DSN1: variants seen among roughly 807,000 people sequenced by gnomAD.
DSN1 encodes kinetochore-associated protein DSN1 homolog.
A neutral mutation model predicts 45.7 loss-of-function variants in DSN1; 31 were observed. The observed-to-expected ratio is 0.68, with a 90% CI of 0.51 to 0.92. DSN1 has a LOEUF of 0.92. Among genes scored for constraint, DSN1 ranks in the 40% least tolerant of loss-of-function variants. The pLI, the probability that DSN1 is intolerant of heterozygous loss-of-function variation, is 0.00. For missense variants in DSN1, 394 were observed against 414.2 expected (o/e 0.95, Z 0.42); for synonymous variants, 134 against 142.3 (o/e 0.94, Z 0.41).
intron 7 of DSN1, 104 bp from the exon 8 acceptor site, chr20:36,758,265 T>C (rs1986782439): frequency 4.4e-6 from 5 of 1,128,408 alleles, no homozygotes; most frequent in Non-Finnish European, 6.5e-6. Context: ...ATGTAAAATG[T>C]GAGTTGACAG....
chr20:36,764,107 G>C (rs1987181693), intron 5 of DSN1, among the ~76,000 whole-genome samples: 1 of 151,764 alleles, frequency 6.6e-6, no homozygotes, highest in Non-Finnish European at 1.5e-5. Flanking sequence ...TATAGTTCCA[G>C]CTACTTGGGA....
rs1282258207 is a variant in DSN1, at chr20:36,758,124, G to T, written c.688C>A (p.Leu230Ile). The change falls in exon 8 of 11, where the codon CTT becomes ATT. Residue 230 changes from leucine (L) to isoleucine (I), a missense_variant. Transcript: ENST00000373750. ...LERQTWDQLL[L>I]HYQQEAKEIL... ...TCTTTAGCCTCCTGCTGGTAGTGAA[G>T]CAAGAGCTGATCCCAAGTCTGACGT... 1 of 1,614,070 alleles carries T rather than the reference G, an allele frequency of 6.2e-7. No individual in the cohort carries two copies. Among genetic ancestry groups the T allele is most frequent in the Non-Finnish European group, 8.5e-7 (1 of 1,179,982 alleles).
rs562010668 is a variant in DSN1 at position 36,766,568 on chromosome 20, T to C, written c.502+201A>G. Among the ~76,000 whole-genome samples the C allele has an allele frequency of 5.9e-4, 90 of 152,130 alleles. 1 individual carries two copies. The highest frequency in any genetic ancestry group is 6.8e-3 in the Middle Eastern group (2 of 294). ...TACTCGGGGGGCTCAGGCAGGAGAA[T>C]TGGTTGAACCCAGGAGGCAGAGGCT... On this transcript the variant is annotated intron_variant, in intron 5 of 10. Coordinates refer to ENST00000373750, the MANE Select transcript of DSN1 (RefSeq NM_001145315.2).
At chr20:36,772,967 C>T (rs1987729552) in intron 1 of DSN1, among the ~76,000 whole-genome samples, 1 of 152,256 alleles carries the variant, frequency 6.6e-6, no homozygotes, top group South Asian at 2.1e-4. Context: ...CGTCCCCTCC[C>T]TCCCAGCAGA....
chr20:36,770,429 G>T (rs187355951), intron 3 of DSN1, among the ~76,000 whole-genome samples: 119 of 152,234 alleles, frequency 7.8e-4, no homozygotes, highest in Non-Finnish European at 1.3e-3. Flanking sequence ...CTAAAATCAG[G>T]TATCAACCCA....
chr20:36,765,228 C>T (rs1022274643), intron 5 of DSN1, among the ~76,000 whole-genome samples: 4 of 122,432 alleles, frequency 3.3e-5, no homozygotes, highest in East Asian at 2.3e-4. Flanking sequence ...TACTTGCATA[C>T]GTGCCAAAAG....
In DSN1 at chr20:36,773,721, G is replaced by C; in HGVS notation, c.-75C>G. 1 of 985,540 alleles carries C rather than the reference G, an allele frequency of 1.0e-6. No homozygotes were observed. The highest frequency in any genetic ancestry group is 1.2e-6 in the Non-Finnish European group (1 of 829,998). 61.0% of individuals were successfully genotyped at this position (985,540 alleles called of 1,614,324 possible). ...CCCAGGTCACTCCTGGACGCCTTGC[G>C]CACCCGCAGCCGATACTCCCTGATC... On this transcript the variant is annotated 5_prime_UTR_variant, in exon 1 of 11. Transcript: ENST00000373750.
chr20:36,752,658 A>G lies in DSN1; in HGVS notation c.*130T>C. The G allele has an allele frequency of 4.6e-6, 3 of 659,054 alleles. No individual in the cohort carries two copies. Among genetic ancestry groups the G allele is most frequent in the Non-Finnish European group, 2.6e-6 (1 of 381,930 alleles). 40.8% of individuals were successfully genotyped at this position (659,054 alleles called of 1,614,324 possible). On this transcript the variant is annotated 3_prime_UTR_variant, in exon 11 of 11. Coordinates refer to ENST00000373750, the MANE Select transcript of DSN1 (RefSeq NM_001145315.2). Reference sequence around the variant, plus strand: ...TTCCATCACTTTTTGAAAAAAGTCAAAGTGTTCTACAGTCAGTCCTGCCAG... The same window carrying G: ...TTCCATCACTTTTTGAAAAAAGTCAGAGTGTTCTACAGTCAGTCCTGCCAG...
chr20:36,754,689 G>A (rs962342629), intron 10 of DSN1, 74 bp downstream of exon 10: 39 of 1,298,326 alleles, frequency 3.0e-5, no homozygotes, highest in Admixed American at 1.8e-5. Flanking sequence ...CATAGGCTTT[G>A]AAGGGCAGTT....
At chr20:36,756,380 G>A (rs1013812093) in intron 8 of DSN1, among the ~76,000 whole-genome samples, 1 of 152,130 alleles carries the variant, frequency 6.6e-6, no homozygotes, top group Non-Finnish European at 1.5e-5. Flanking sequence ...CCACTTAATA[G>A]TAAGGTCCAT....
chr20:36,754,066 A>T (rs1436620754), intron 10 of DSN1, among the ~76,000 whole-genome samples: 3 of 148,740 alleles, frequency 2.0e-5, no homozygotes, highest in Admixed American at 2.0e-4. Context: ...AGTGGCTCAC[A>T]CTTGTAATCC....
chr20:36,755,536 T>G, intron 9 of DSN1, 146 bp downstream of exon 9: 1 of 955,360 alleles, frequency 1.0e-6, no homozygotes, highest in Non-Finnish European at 1.5e-6. Context: ...TTATTATTTT[T>G]TAATTGTCTC....
chr20:36,772,492 T>C (rs1172233043), intron 1 of DSN1, among the ~76,000 whole-genome samples: 1 of 152,170 alleles, frequency 6.6e-6, no homozygotes, highest in Non-Finnish European at 1.5e-5. Flanking sequence ...TTTCCCCATA[T>C]TGGCCAGGCT....
intron 5 of DSN1, among the ~76,000 whole-genome samples, chr20:36,763,645 T>G (rs187571637): frequency 6.6e-6 from 1 of 150,976 alleles, no homozygotes; most frequent in Non-Finnish European, 1.5e-5. Context: ...TCCCAGCACT[T>G]TGGGAGGCCA....
chr20:36,768,996 C>T (rs537731437), intron 3 of DSN1, among the ~76,000 whole-genome samples: 28 of 152,224 alleles, frequency 1.8e-4, no homozygotes, highest in South Asian at 8.3e-4. Flanking sequence ...ATACGTATTT[C>T]ATTAAACCTT....
intron 5 of DSN1, among the ~76,000 whole-genome samples, chr20:36,763,410 GAAAAAAAA>G (rs71186016): frequency 2.4e-5 from 2 of 84,100 alleles, no homozygotes; most frequent in South Asian, 5.2e-4. Context: ...CTCAAAAAAA[GAAAAAAAA>G]AAAAAAAAAA....
chr20:36,770,601 G>C lies in DSN1; in HGVS notation c.355+272C>G, dbSNP rs1407144577. ...AAGCCAGGTGCAGTGGCTCACGCCT[G>C]TAGTCCCAGCTACTTGGGAGGCTGA... On this transcript the variant is annotated intron_variant, in intron 3 of 10. Coordinates refer to ENST00000373750, the MANE Select transcript of DSN1 (RefSeq NM_001145315.2). Among the ~76,000 whole-genome samples, 3 of 152,194 alleles carry C rather than the reference G, an allele frequency of 2.0e-5. No homozygotes were observed. In the East Asian group the frequency reaches 5.8e-4, roughly 29 times the overall value.
chr20:36,770,448 C>G (rs557643042), intron 3 of DSN1, among the ~76,000 whole-genome samples: 15 of 152,344 alleles, frequency 9.8e-5, no homozygotes, highest in African/African-American at 3.6e-4. Context: ...CAACTATCTT[C>G]TGCTCCACTT....
At position 36,770,929 on chromosome 20, in the gene DSN1, C is replaced by T; in HGVS notation, c.299G>A (p.Ser100Asn). 6.2e-7 allele frequency: 1 copy of T among 1,614,120 alleles called. No homozygotes were observed. Among genetic ancestry groups the T allele is most frequent in the Non-Finnish European group, 8.5e-7 (1 of 1,180,030 alleles). Residue 100 changes from serine to asparagine, a missense_variant, in exon 3 of 11, where the codon AGT becomes AAT. Physicochemically the swap from Ser to Asn is conservative, Grantham distance 46. Transcript: ENST00000373750. Reference sequence around the variant, plus strand: ...CTTCCGCCGGTTCGTTTCTTTCATACTTGCTCGCCGCCAGGATTGCCTCCT... The same window carrying T: ...CTTCCGCCGGTTCGTTTCTTTCATATTTGCTCGCCGCCAGGATTGCCTCCT... ...QDRRQSWRRA[S>N]MKETNRRKSL...
Sources: gnomAD v4.1 joint callset for allele counts (sites outside exome capture counted in the v4.1 genomes callset) on GRCh38, gnomAD v4.1.1 for gene constraint, MANE v1.5 for transcripts, NCBI Gene and HGNC (gene_info 2026-07-23, HGNC 2026-07-21) for gene names.